FRAS1: variants seen among roughly 807,000 people sequenced by gnomAD.
FRAS1 encodes Fraser extracellular matrix complex subunit 1.
A neutral mutation model predicts 435.2 loss-of-function variants in FRAS1; 290 were observed. That is an observed-to-expected ratio of 0.67 (90% CI 0.61 to 0.73). The LOEUF is 0.73. FRAS1 is among the 30% of genes least tolerant of loss of function. The pLI is 0.00. For synonymous variants in FRAS1, 1,800 were observed against 1,851.0 expected, an observed-to-expected ratio of 0.97 and a Z score of 0.71; for missense variants, 4,860 against 5,001.5, an observed-to-expected ratio of 0.97 and a Z score of 0.85.
At chr4:78,515,722 G>A in intron 65 of FRAS1, 77 bp from the exon 66 acceptor site, 2 of 1,351,516 alleles carry the variant, frequency 1.5e-6, no homozygotes, top group Non-Finnish European at 2.1e-6. Context: ...AGTGCAAAAG[G>A]GTGAGCTCTT....
At chr4:78,293,801 T>G (rs1415821418) in intron 14 of FRAS1, among the ~76,000 whole-genome samples, 1 of 152,192 alleles carries the variant, frequency 6.6e-6, no homozygotes, top group Non-Finnish European at 1.5e-5. Context: ...GCTGGTGGTG[T>G]TGTGTCTGGG....
At chr4:78,230,227 A>G (rs1017338052) in intron 2 of FRAS1, among the ~76,000 whole-genome samples, 1 of 152,232 alleles carries the variant, frequency 6.6e-6, no homozygotes, top group Non-Finnish European at 1.5e-5. Flanking sequence ...GTGTAAAACA[A>G]GAAACTCCTT....
chr4:78,086,143 A>G (rs1043375352), intron 2 of FRAS1, among the ~76,000 whole-genome samples: 8 of 152,216 alleles, frequency 5.3e-5, no homozygotes, highest in Admixed American at 2.6e-4. Flanking sequence ...GCTCAACTAC[A>G]TGGAAACTGA....
chr4:78,096,009 C>G (rs987860528), intron 2 of FRAS1, among the ~76,000 whole-genome samples: 1 of 152,224 alleles, frequency 6.6e-6, no homozygotes, highest in Admixed American at 6.5e-5. Flanking sequence ...CAAGGCAAGT[C>G]CCTTCCGCCT....
chr4:78,243,036 A>G (rs189966668), intron 3 of FRAS1, among the ~76,000 whole-genome samples: 1 of 152,318 alleles, frequency 6.6e-6, no homozygotes, highest in African/African-American at 2.4e-5. Context: ...GTCAGAAGCT[A>G]TCCTGTCTAA....
At chr4:78,103,040 C>T (rs1403699566) in intron 2 of FRAS1, among the ~76,000 whole-genome samples, 1 of 152,176 alleles carries the variant, frequency 6.6e-6, no homozygotes, top group South Asian at 2.1e-4. Flanking sequence ...AAACTGCTTT[C>T]TCTGCCTTTC....
chr4:78,076,735 G>A (rs1010569829), intron 2 of FRAS1, among the ~76,000 whole-genome samples: 6 of 152,140 alleles, frequency 3.9e-5, no homozygotes, highest in African/African-American at 7.2e-5. Context: ...TGAGGACCTC[G>A]AGGAGAAGAG....
chr4:78,078,234 A>C (rs1232977714), intron 2 of FRAS1, among the ~76,000 whole-genome samples: 1 of 152,192 alleles, frequency 6.6e-6, no homozygotes, highest in African/African-American at 2.4e-5. Flanking sequence ...TGTAAGCAAC[A>C]CTGTGATGAA....
intron 14 of FRAS1, among the ~76,000 whole-genome samples, chr4:78,288,198 A>G (rs1036630247): frequency 1.3e-5 from 2 of 151,636 alleles, no homozygotes; most frequent in African/African-American, 4.8e-5. Context: ...AAATACCTTT[A>G]TAAGTGTCTA....
At chr4:78,320,378 G>A (rs1425892443) in intron 18 of FRAS1, among the ~76,000 whole-genome samples, 1 of 152,184 alleles carries the variant, frequency 6.6e-6, no homozygotes, top group African/African-American at 2.4e-5. Context: ...AGTGGAGGGT[G>A]ATGTGGCTCT....
At chr4:78,201,469 C>T (rs569334243) in intron 2 of FRAS1, among the ~76,000 whole-genome samples, 1 of 152,096 alleles carries the variant, frequency 6.6e-6, no homozygotes, top group African/African-American at 2.4e-5. Context: ...GATAAGAAAC[C>T]CATGGGTCAT....
At chr4:78,518,034 T>C (rs1721263212) in intron 66 of FRAS1, among the ~76,000 whole-genome samples, 1 of 152,070 alleles carries the variant, frequency 6.6e-6, no homozygotes, top group Non-Finnish European at 1.5e-5. Context: ...GGAGGATCAC[T>C]GGAGGCCAGG....
chr4:78,071,575 G>T (rs1740350944), intron 2 of FRAS1: 1 of 152,114 alleles, frequency 6.6e-6, no homozygotes, highest in Non-Finnish European at 1.5e-5. Context: ...AGATTCCTTA[G>T]CCCAGTATCG....
chr4:78,126,905 G>C (rs1461037507), intron 2 of FRAS1, among the ~76,000 whole-genome samples: 1 of 152,154 alleles, frequency 6.6e-6, no homozygotes, highest in Non-Finnish European at 1.5e-5. Context: ...GTGGAACCTT[G>C]ATGTGATAGC....
intron 2 of FRAS1, among the ~76,000 whole-genome samples, chr4:78,081,157 A>G (rs996667456): frequency 1.3e-5 from 2 of 152,136 alleles, no homozygotes; most frequent in Non-Finnish European, 2.9e-5. Flanking sequence ...GGAAAGCTAG[A>G]CTGTAAAGGG....
intron 58 of FRAS1, among the ~76,000 whole-genome samples, chr4:78,484,743 CTCTT>C (rs1181712057): frequency 6.6e-6 from 1 of 152,174 alleles, no homozygotes; most frequent in Non-Finnish European, 1.5e-5. Context: ...TAACCCCGTG[CTCTT>C]TCTTCTGTTT....
At chr4:78,129,305 T>C (rs1719562308) in intron 2 of FRAS1, among the ~76,000 whole-genome samples, 1 of 152,156 alleles carries the variant, frequency 6.6e-6, no homozygotes, top group South Asian at 2.1e-4. Context: ...GTCATTGTTA[T>C]GAAGTAAGTT....
In FRAS1 at chr4:78,400,824, G is replaced by C. The variant is rs555435662; in HGVS notation, c.4066G>C (p.Glu1356Gln). The change falls in exon 30 of 74, where the codon GAG becomes CAG. Residue 1356 changes from glutamate to glutamine, a missense_variant. Glu to Gln is a conservative substitution (Grantham distance 29). Coordinates refer to ENST00000512123, the MANE Select transcript of FRAS1 (RefSeq NM_025074.7). Reference protein sequence around the residue: ...LQITNRILQAEAPGASAEEII... With the variant: ...LQITNRILQAQAPGASAEEII... ...GATCACCAACAGAATCTTACAGGCCGAGGCTCCTGGTGCCAGTGCTGAAGA... is the reference window on the plus strand; with the variant it reads ...GATCACCAACAGAATCTTACAGGCCCAGGCTCCTGGTGCCAGTGCTGAAGA... 3 of 1,613,588 alleles carry C rather than the reference G, an allele frequency of 1.9e-6. No homozygotes were observed. The highest frequency in any genetic ancestry group is 2.5e-6 in the Non-Finnish European group (3 of 1,179,760).
At chr4:78,414,487 T>A (rs898494955) in intron 32 of FRAS1, among the ~76,000 whole-genome samples, 2 of 152,222 alleles carry the variant, frequency 1.3e-5, no homozygotes, top group African/African-American at 4.8e-5. Flanking sequence ...AGTCTACTCG[T>A]ACGTTACTTA....
Sources: gnomAD v4.1 joint callset for allele counts (sites outside exome capture counted in the v4.1 genomes callset) on GRCh38, gnomAD v4.1.1 for gene constraint, MANE v1.5 for transcripts, NCBI Gene and HGNC (gene_info 2026-07-23, HGNC 2026-07-21) for gene names.